MYLK: variants seen among roughly 807,000 people sequenced by gnomAD.
The protein encoded by MYLK is myosin light chain kinase.
A neutral mutation model predicts 203.4 loss-of-function variants in MYLK; 106 were observed. The observed-to-expected ratio is 0.52, with a 90% CI of 0.45 to 0.61. The LOEUF (loss-of-function observed/expected upper bound fraction) is 0.61, where lower values mean the gene tolerates loss of function less well. MYLK is among the 20% of genes least tolerant of loss of function. The pLI is 0.00. For missense variants in MYLK, 2,072 were observed against 2,442.3 expected, an observed-to-expected ratio of 0.85 and a Z score of 3.20; for synonymous variants, 867 against 959.5, an observed-to-expected ratio of 0.90 and a Z score of 1.78.
intron 5 of MYLK, among the ~76,000 whole-genome samples, chr3:123,746,719 AT>A (rs1323952051): frequency 6.6e-6 from 1 of 152,216 alleles, no homozygotes; most frequent in Non-Finnish European, 1.5e-5. Flanking sequence ...AAAAAGAATA[AT>A]TTCCCTTTCT....
intron 24 of MYLK, among the ~76,000 whole-genome samples, chr3:123,656,559 C>T (rs1296037723): frequency 1.3e-5 from 2 of 152,152 alleles, no homozygotes; most frequent in Non-Finnish European, 2.9e-5. Flanking sequence ...AGAATCCTAT[C>T]CCTTTTTCCA....
chr3:123,688,705 G>A (rs1339268131), intron 19 of MYLK, among the ~76,000 whole-genome samples: 1 of 152,038 alleles, frequency 6.6e-6, no homozygotes, highest in Non-Finnish European at 1.5e-5. Flanking sequence ...CACCACCCTG[G>A]CCTCCTGCCT....
chr3:123,803,954 G>C (rs2065281582), intron 3 of MYLK, among the ~76,000 whole-genome samples: 1 of 152,066 alleles, frequency 6.6e-6, no homozygotes, highest in South Asian at 2.1e-4. Flanking sequence ...AAAATCCCAG[G>C]GGAAAAAGGA....
chr3:123,700,604 G>C lies in MYLK; in HGVS notation c.2864C>G (p.Ser955Cys). Reference protein sequence around the residue: ...VHSPQQVDFRSVLAKKGTSKT... With the variant: ...VHSPQQVDFRCVLAKKGTSKT... ...GGAAGTCCCCTTCTTGGCCAGGACA[G>C]AGCGAAAATCGACCTGCTGGGGGCT... The change falls in exon 18 of 34, where the codon TCT becomes TGT. Residue 955 changes from serine (S) to cysteine (C), a missense_variant. This residue lies in a region of MYLK where 865 missense variants were observed against 1,016.0 expected (regional missense o/e 0.85). Coordinates refer to ENST00000360304, the MANE Select transcript of MYLK (RefSeq NM_053025.4). 2 of 1,613,880 alleles carry C rather than the reference G, an allele frequency of 1.2e-6. No homozygotes were observed. Among genetic ancestry groups the C allele is most frequent in the South Asian group, 1.1e-5 (1 of 91,084 alleles).
intron 4 of MYLK, among the ~76,000 whole-genome samples, chr3:123,772,059 A>T (rs1324682409): frequency 6.6e-6 from 1 of 152,176 alleles, no homozygotes; most frequent in Non-Finnish European, 1.5e-5. Context: ...TATTACGATT[A>T]GGAAAGGTAT....
In MYLK at chr3:123,640,612, C is replaced by T; in HGVS notation, c.4620-108G>A. ...GGGTAGGAGAAATTGGCAGGAAAGC[C>T]CAGGGAATGGGGGTGATGGGCAATT... On this transcript the variant is annotated intron_variant, in intron 27 of 33. Coordinates refer to ENST00000360304, the MANE Select transcript of MYLK (RefSeq NM_053025.4). This position sits in a 1 kb window ranked among gnomAD's most constrained non-coding sequence, Gnocchi z 4.3. The T allele has an allele frequency of 1.7e-6, 2 of 1,176,906 alleles. No homozygotes were observed. Among genetic ancestry groups the T allele is most frequent in the African/African-American group, 1.5e-5 (1 of 66,046 alleles). 72.9% of individuals were successfully genotyped at this position (1,176,906 alleles called of 1,614,324 possible).
At chr3:123,874,911 T>C (rs1386138898) in intron 2 of MYLK, among the ~76,000 whole-genome samples, 11 of 152,136 alleles carry the variant, frequency 7.2e-5, no homozygotes, top group Admixed American at 7.2e-4. Context: ...ACTAAGGAAA[T>C]TCAAATTAAA....
At chr3:123,793,550 T>C (rs990742630) in intron 4 of MYLK, 127 bp downstream of exon 4, 6 of 1,076,136 alleles carry the variant, frequency 5.6e-6, no homozygotes, top group Non-Finnish European at 8.0e-6. Flanking sequence ...AGGTTCGTTT[T>C]ACATGAAGGT....
chr3:123,697,726 T>C (rs774979179), intron 18 of MYLK, among the ~76,000 whole-genome samples: 4 of 152,234 alleles, frequency 2.6e-5, no homozygotes, highest in Non-Finnish European at 5.9e-5. Context: ...TCAACATATG[T>C]CAGCTATTCT....
At chr3:123,728,581 C>T (rs895569809) in intron 11 of MYLK, among the ~76,000 whole-genome samples, 12 of 146,770 alleles carry the variant, frequency 8.2e-5, no homozygotes, top group African/African-American at 3.0e-4. Context: ...TCCCAAACAA[C>T]AAACAACAAC....
At chr3:123,737,262 G>T in intron 8 of MYLK, 116 bp downstream of exon 8, 2 of 1,293,050 alleles carry the variant, frequency 1.5e-6, no homozygotes, top group Non-Finnish European at 1.1e-6. Context: ...GAGTGCCTGG[G>T]TGTGTGAGTG....
In MYLK at chr3:123,829,646, CT is replaced by C. The variant is rs2066255934; in HGVS notation, c.-4+1901del. ...ATAAATGTTTGCAATGATGGATATG[CT>C]AATTGCCCAGATCTGATCACCATAT... is the stretch of plus-strand genomic sequence containing the variant. On this transcript the variant is annotated intron_variant, in intron 3 of 33. Coordinates refer to ENST00000360304, the MANE Select transcript of MYLK (RefSeq NM_053025.4). 1.8e-4 allele frequency among the ~76,000 whole-genome samples: 27 copies of C among 152,236 alleles called. 1 individual carries two copies. In the South Asian group the frequency reaches 5.6e-3, roughly 32 times the overall value.
rs1298202498 is a variant in MYLK at position 123,720,542 on chromosome 3, G to A, written c.1804+1586C>T. Among the ~76,000 whole-genome samples the A allele has an allele frequency of 2.0e-5, 3 of 152,190 alleles. No homozygotes were observed. The South Asian group carries it at 6.2e-4, about 32-fold the overall frequency. ...GCCCCCAGGTGAGTCCTGCTTCCTG[G>A]ACCTCAGAGACAAGGTTCTCAGCAG... On this transcript the variant is annotated intron_variant, in intron 13 of 33. Transcript: ENST00000360304.
intron 2 of MYLK, among the ~76,000 whole-genome samples, chr3:123,864,060 CAAAA>C (rs1220046467): frequency 1.3e-5 from 2 of 152,112 alleles, no homozygotes; most frequent in Non-Finnish European, 2.9e-5. Flanking sequence ...GGATAAATCT[CAAAA>C]ACAGGCCAAA....
In MYLK at chr3:123,626,936, C is replaced by T. The variant is rs1328179065; in HGVS notation, c.5120G>A (p.Arg1707His). The T allele has an allele frequency of 3.1e-6, 5 of 1,614,074 alleles. No individual in the cohort carries two copies. The highest frequency in any genetic ancestry group is 4.2e-6 in the Non-Finnish European group (5 of 1,179,978). The change falls in exon 31 of 34, where the codon CGC (arginine) becomes CAC (histidine). Residue 1707 changes from arginine (R) to histidine (H), a missense_variant. Around this residue, in one of 3 missense-constraint regions of MYLK, gnomAD observed 524 missense variants for 782.4 expected, o/e 0.67. Coordinates refer to ENST00000360304, the MANE Select transcript of MYLK (RefSeq NM_053025.4). The part of the protein sequence containing the change: ...SNLLKKDMKN[R>H]LDCTQCLQHP... Reference sequence around the variant, plus strand: ...CTGAAGGCACTGCGTGCAGTCCAGGCGGTTTCTGACAGAGGCAGAGATCAG... The same window carrying T: ...CTGAAGGCACTGCGTGCAGTCCAGGTGGTTTCTGACAGAGGCAGAGATCAG...
chr3:123,855,815 G>T (rs963722920), intron 2 of MYLK, among the ~76,000 whole-genome samples: 3 of 151,978 alleles, frequency 2.0e-5, no homozygotes, highest in African/African-American at 7.2e-5. Flanking sequence ...AATAGACCCC[G>T]ATCCTGCTTT....
intron 4 of MYLK, among the ~76,000 whole-genome samples, chr3:123,760,453 C>T (rs1041079721): frequency 9.9e-5 from 15 of 152,234 alleles, no homozygotes; most frequent in Admixed American, 3.3e-4. Context: ...GCTGGGATTA[C>T]AGGCATGAGC....
In MYLK at chr3:123,648,810, G is replaced by C. The variant is rs1375845150; in HGVS notation, c.4415+161C>G. The stretch of plus-strand genomic sequence containing the variant: ...TCTGCAGAGAGTCCTGGGTGAGTGA[G>C]TGATGCTTTCGTGGGTCAGTCCTTT... On this transcript the variant is annotated intron_variant, in intron 26 of 33. Transcript: ENST00000360304. The surrounding 1 kb of genome is among the most constrained non-coding windows in gnomAD (Gnocchi z 4.5). Among the ~76,000 whole-genome samples the C allele has an allele frequency of 6.6e-6, 1 of 152,132 alleles. No homozygotes were observed. Among genetic ancestry groups the C allele is most frequent in the Non-Finnish European group, 1.5e-5 (1 of 68,010 alleles).
At chr3:123,815,212 G>A (rs1305360033) in intron 3 of MYLK, among the ~76,000 whole-genome samples, 2 of 152,086 alleles carry the variant, frequency 1.3e-5, no homozygotes, top group Non-Finnish European at 2.9e-5. Context: ...CTTGATTCCT[G>A]TCAACTTGCC....
Sources: gnomAD v4.1 joint callset for allele counts (sites outside exome capture counted in the v4.1 genomes callset) on GRCh38, gnomAD v4.1.1 for gene constraint, gnomAD v4.1.1 regional missense constraint, Gnocchi (gnomAD v3.1) non-coding constraint, MANE v1.5 for transcripts, NCBI Gene and HGNC (gene_info 2026-07-23, HGNC 2026-07-21) for gene names.